GALNT17: variants seen among roughly 807,000 people sequenced by gnomAD.
GALNT17 encodes UDP-GalNAc:polypeptide N-acetylgalactosaminyltransferase-like 3.
GALNT17 carries 29 observed loss-of-function variants against 63.7 expected under a neutral mutation model. That is an observed-to-expected ratio of 0.46 (90% CI 0.34 to 0.62). GALNT17 has a LOEUF of 0.62. Ranked by LOEUF, GALNT17 falls within the 20% of genes least tolerant of loss-of-function variation. GALNT17 has a pLI of 0.01. For synonymous variants in GALNT17, 305 were observed against 318.3 expected (o/e 0.96, Z 0.45); for missense variants, 603 against 799.6 (o/e 0.75, Z 2.97).
chr7:71,669,948 C>G lies in GALNT17; in HGVS notation c.1267-24C>G, dbSNP rs914662283. ...GCCAGAGCTCCACAGTCACTAACAC[C>G]CCTTGGCTTCTCTCTCCTTTCAGAA... On this transcript the variant is annotated intron_variant, in intron 7 of 10. Transcript: ENST00000333538. 5 of 1,613,378 alleles carry G rather than the reference C, an allele frequency of 3.1e-6. No individual in the cohort carries two copies. The Admixed American group carries it at 6.7e-5, about 22-fold the overall frequency.
intron 5 of GALNT17, among the ~76,000 whole-genome samples, chr7:71,453,432 G>C (rs1359660714): frequency 6.6e-6 from 1 of 152,172 alleles, no homozygotes; most frequent in African/African-American, 2.4e-5. Context: ...CACGTCTAAC[G>C]TGGTGGTAGG....
Position 71,283,158 on chromosome 7 carries a change from C to A in GALNT17, c.239-52392C>A, listed in dbSNP as rs1465230. On this transcript the variant is annotated intron_variant, in intron 1 of 10. Coordinates refer to ENST00000333538, the MANE Select transcript of GALNT17 (RefSeq NM_022479.3). The stretch of plus-strand genomic sequence containing the variant: ...GTGATCCTCCTGCCTCAGCCCCCCC[C>A]AAGTAGCTGGGACTGTAGGTGTGGG... 1.0e-4 allele frequency among the ~76,000 whole-genome samples: 15 copies of A among 149,580 alleles called. No individual in the cohort carries two copies. In the East Asian group the frequency reaches 2.4e-3, roughly 24 times the overall value.
chr7:71,601,608 C>G (rs965603299), intron 6 of GALNT17, among the ~76,000 whole-genome samples: 1 of 151,892 alleles, frequency 6.6e-6, no homozygotes, highest in Non-Finnish European at 1.5e-5. Flanking sequence ...ACAGGAAGAC[C>G]CTGTTTCTAA....
At chr7:71,321,897 TC>T in intron 1 of GALNT17, among the ~76,000 whole-genome samples, 1 of 89,738 alleles carries the variant, frequency 1.1e-5, no homozygotes, top group Non-Finnish European at 2.2e-5. Context: ...CTTCCTTCCT[TC>T]CTTCCTTCCT....
intron 5 of GALNT17, among the ~76,000 whole-genome samples, chr7:71,487,439 C>T (rs1039647405): frequency 8.2e-4 from 125 of 152,196 alleles, no homozygotes; most frequent in Non-Finnish European, 2.1e-4. Flanking sequence ...AAAAGTCCAT[C>T]CAGCGTCCAG....
intron 5 of GALNT17, among the ~76,000 whole-genome samples, chr7:71,440,533 C>T (rs991038175): frequency 1.3e-5 from 2 of 152,036 alleles, no homozygotes; most frequent in Admixed American, 6.6e-5. Flanking sequence ...TGCCACCATG[C>T]GCGGTTAACT....
intron 10 of GALNT17, among the ~76,000 whole-genome samples, chr7:71,711,245 G>GA (rs1454445856): frequency 6.6e-6 from 1 of 151,998 alleles, no homozygotes; most frequent in Non-Finnish European, 1.5e-5. Context: ...ATCAGACCAA[G>GA]AATATCCCAG....
chr7:71,486,780 C>T (rs772091361), intron 5 of GALNT17, among the ~76,000 whole-genome samples: 1 of 151,290 alleles, frequency 6.6e-6, no homozygotes, highest in Admixed American at 6.6e-5. Flanking sequence ...GGAGGATTCC[C>T]GAAGCCCAGG....
intron 5 of GALNT17, among the ~76,000 whole-genome samples, chr7:71,493,705 A>C (rs1470381893): frequency 6.6e-6 from 1 of 152,204 alleles, no homozygotes; most frequent in African/African-American, 2.4e-5. Flanking sequence ...CTTCAATTCA[A>C]GATGAGATTT....
At chr7:71,166,345 A>G (rs1262250673) in intron 1 of GALNT17, among the ~76,000 whole-genome samples, 1 of 152,190 alleles carries the variant, frequency 6.6e-6, no homozygotes, top group Non-Finnish European at 1.5e-5. Flanking sequence ...AAAGAGTTTT[A>G]TTGAGGTATA....
At position 71,251,752 on chromosome 7, in the gene GALNT17, T is replaced by C. The variant is rs145481676; in HGVS notation, c.239-83798T>C. Among the ~76,000 whole-genome samples the C allele has an allele frequency of 3.3e-3, 500 of 152,314 alleles. 2 individuals carry two copies. Among genetic ancestry groups the C allele is most frequent in the African/African-American group, 0.012 (481 of 41,562 alleles). Reference sequence around the variant, plus strand: ...TTTTGGACCTATATCGGATTGTCAGTCTTTTAATCTCAGATAGTGGCTCCA... The same window carrying C: ...TTTTGGACCTATATCGGATTGTCAGCCTTTTAATCTCAGATAGTGGCTCCA... On this transcript the variant is annotated intron_variant, in intron 1 of 10. Coordinates refer to ENST00000333538, the MANE Select transcript of GALNT17 (RefSeq NM_022479.3).
rs552615057 is a variant in GALNT17 at position 71,318,962 on chromosome 7, G to T, written c.239-16588G>T. Among the ~76,000 whole-genome samples the T allele has an allele frequency of 2.0e-5, 3 of 152,280 alleles. No homozygotes were observed. In the South Asian group the frequency reaches 6.2e-4, roughly 32 times the overall value. ...GTACGCATGTGAGTTTCTTGTGGAA[G>T]GGATCTGTCCAAGGTCATTGGGCTG... is the stretch of plus-strand genomic sequence containing the variant. On this transcript the variant is annotated intron_variant, in intron 1 of 10. Transcript: ENST00000333538.
chr7:71,713,301 T>G lies in GALNT17; in HGVS notation c.*1155T>G, dbSNP rs1260213270. The stretch of plus-strand genomic sequence containing the variant: ...GGCCTTGGGCTTGCTGCTTCATTAC[T>G]CACCTGGATGGGGACGAGGGATGAG... On this transcript the variant is annotated 3_prime_UTR_variant, in exon 11 of 11. Coordinates refer to ENST00000333538, the MANE Select transcript of GALNT17 (RefSeq NM_022479.3). 3 of 153,308 alleles carry G rather than the reference T, an allele frequency of 2.0e-5. No homozygotes were observed. Among genetic ancestry groups the G allele is most frequent in the Admixed American group, 6.5e-5 (1 of 15,298 alleles). The allele number at this position is 153,308 out of a possible 1,614,324, so 9.5% of individuals were successfully genotyped here.
At chr7:71,354,064 AACTC>A (rs1792236362) in intron 2 of GALNT17, among the ~76,000 whole-genome samples, 1 of 152,104 alleles carries the variant, frequency 6.6e-6, no homozygotes. Context: ...ATCTTATGAG[AACTC>A]ACTCACAGTA....
intron 1 of GALNT17, among the ~76,000 whole-genome samples, chr7:71,219,578 T>C (rs1424652790): frequency 6.6e-6 from 1 of 152,158 alleles, no homozygotes; most frequent in African/African-American, 2.4e-5. Context: ...TTTTTTGTTA[T>C]ATTTAATTTC....
chr7:71,647,755 A>C (rs1021794649), intron 6 of GALNT17, among the ~76,000 whole-genome samples: 7 of 152,098 alleles, frequency 4.6e-5, no homozygotes, highest in African/African-American at 1.7e-4. Context: ...CTGTGAACCC[A>C]CTGACACCAC....
rs199500168 is a variant in GALNT17 at position 71,670,034 on chromosome 7, T to C, written c.1329T>C (p.Cys443=). The C allele has an allele frequency of 3.0e-5, 49 of 1,614,146 alleles. No individual in the cohort carries two copies. Among genetic ancestry groups the C allele is most frequent in the Non-Finnish European group, 4.0e-5 (47 of 1,180,020 alleles). Residue 443 remains cysteine, a synonymous_variant, in exon 8 of 11, where the codon TGT becomes TGC. Transcript: ENST00000333538. The stretch of plus-strand genomic sequence containing the variant: ...GAGCATTAAGGAAAAGTTTAAAGTG[T>C]AAGAATTTCCAGTGGTACCTGGACC... ...ERRALRKSLK[C]KNFQWYLDHV... is the part of the protein sequence containing the mutation.
intron 8 of GALNT17, among the ~76,000 whole-genome samples, chr7:71,675,324 CAG>C (rs1188653977): frequency 2.0e-5 from 3 of 152,170 alleles, no homozygotes; most frequent in Non-Finnish European, 4.4e-5. Context: ...AGGCACTTAC[CAG>C]GCCTTCAATA....
intron 9 of GALNT17, among the ~76,000 whole-genome samples, chr7:71,699,088 C>G (rs1003729455): frequency 1.4e-5 from 2 of 138,920 alleles, no homozygotes; most frequent in Admixed American, 8.2e-5. Flanking sequence ...AGGAGAATTG[C>G]TTGAACCAGG....
Sources: allele counts gnomAD v4.1 joint callset (sites outside exome capture counted in the v4.1 genomes callset), GRCh38; gene constraint gnomAD v4.1.1; transcripts MANE v1.5; gene names NCBI Gene and HGNC (gene_info 2026-07-23, HGNC 2026-07-21).